The following MTF2 variants were observed in gnomAD, a reference collection of about 807,000 sequenced individuals.
The protein encoded by MTF2 is metal response element binding transcription factor 2.
Under a neutral mutation model 79.5 loss-of-function variants are expected in MTF2, and 11 were observed. That is an observed-to-expected ratio of 0.14 (90% CI 0.09 to 0.23). The LOEUF (loss-of-function observed/expected upper bound fraction) is 0.23, where lower values mean the gene tolerates loss of function less well. MTF2 is among the 10% of genes least tolerant of loss of function. The pLI is 1.00. For missense variants in MTF2, 486 were observed against 711.2 expected, an observed-to-expected ratio of 0.68 and a Z score of 3.60; for synonymous variants, 208 against 232.8, an observed-to-expected ratio of 0.89 and a Z score of 0.97.
intron 1 of MTF2, among the ~76,000 whole-genome samples, chr1:93,097,639 C>T (rs1249056997): frequency 1.3e-5 from 2 of 152,084 alleles, no homozygotes; most frequent in Non-Finnish European, 2.9e-5. Context: ...ACTCTGTCGC[C>T]CAGGCAGGAG....
intron 10 of MTF2, 29 bp downstream of exon 10, chr1:93,127,328 T>C: frequency 7.4e-7 from 1 of 1,360,408 alleles, no homozygotes; most frequent in East Asian, 2.3e-5. Flanking sequence ...TGTATCCCTA[T>C]GAGGGAGACA....
At chr1:93,122,303 T>G (rs1656515997) in intron 9 of MTF2, among the ~76,000 whole-genome samples, 1 of 152,202 alleles carries the variant, frequency 6.6e-6, no homozygotes, top group African/African-American at 2.4e-5. Flanking sequence ...CTGCATTACA[T>G]GATGAAATTC....
chr1:93,120,864 T>C (rs1656445829), intron 9 of MTF2, 192 bp downstream of exon 9: 1 of 1,284,218 alleles, frequency 7.8e-7, no homozygotes, highest in South Asian at 2.0e-5. Context: ...GTTTGTTGCC[T>C]GTTGACTCTG....
intron 3 of MTF2, among the ~76,000 whole-genome samples, chr1:93,114,018 A>G (rs929974584): frequency 4.7e-5 from 7 of 149,012 alleles, no homozygotes; most frequent in Admixed American, 4.7e-4. Context: ...TTTTTTTTTG[A>G]GAATAAAAAT....
intron 1 of MTF2, among the ~76,000 whole-genome samples, chr1:93,088,370 A>T (rs778264869): frequency 6.6e-6 from 1 of 152,086 alleles, no homozygotes; most frequent in Non-Finnish European, 1.5e-5. Flanking sequence ...TATTCATTGT[A>T]TATGTGAGAT....
At chr1:93,132,229 A>C (rs754505270) in intron 11 of MTF2, among the ~76,000 whole-genome samples, 9 of 152,220 alleles carry the variant, frequency 5.9e-5, no homozygotes, top group South Asian at 2.1e-4. Flanking sequence ...AGTTATATGA[A>C]GTTTGTAAGA....
intron 11 of MTF2, among the ~76,000 whole-genome samples, chr1:93,131,067 T>C (rs1656898221): frequency 6.6e-6 from 1 of 152,124 alleles, no homozygotes; most frequent in African/African-American, 2.4e-5. Flanking sequence ...ATTTGGAATC[T>C]GATTGATAAA....
chr1:93,120,541 G>A lies in MTF2; in HGVS notation c.798-8G>A, dbSNP rs1298546023. Reference sequence around the variant, plus strand: ...TGTTTTGTGTATTTGATTATTTTCGGATTCCAGGGTAGATATAGCACACCT... The same window carrying A: ...TGTTTTGTGTATTTGATTATTTTCGAATTCCAGGGTAGATATAGCACACCT... On this transcript the variant is annotated splice_polypyrimidine_tract_variant and splice_region_variant and intron_variant, in intron 8 of 14. Coordinates refer to ENST00000370298, the MANE Select transcript of MTF2 (RefSeq NM_007358.4). 6.4e-7 allele frequency: 1 copy of A among 1,557,940 alleles called. No individual in the cohort carries two copies. The highest frequency in any genetic ancestry group is 1.4e-5 in the African/African-American group (1 of 71,528).
At position 93,110,568 on chromosome 1, in the gene MTF2, C is replaced by T. The variant is rs747153016; in HGVS notation, c.228C>T (p.Cys76=). The T allele has an allele frequency of 2.0e-5, 33 of 1,613,336 alleles. No homozygotes were observed. The Admixed American group carries it at 2.8e-4, about 14-fold the overall frequency. ...AGATAAACATATTGAAACAGAGCTGCTTCATCATATTTGAAGACAGTTCTA... is the reference window on the plus strand; with the variant it reads ...AGATAAACATATTGAAACAGAGCTGTTTCATCATATTTGAAGACAGTTCTA... The part of the protein sequence containing the change: ...IKKINILKQS[C]FIIFEDSSKS... The change falls in exon 3 of 15, where the codon TGC becomes TGT. Residue 76 remains cysteine, a synonymous_variant. Transcript: ENST00000370298.
chr1:93,123,245 G>A (rs1262608980), intron 9 of MTF2, among the ~76,000 whole-genome samples: 5 of 143,436 alleles, frequency 3.5e-5, no homozygotes, highest in Admixed American at 7.0e-5. Flanking sequence ...AGACAGGACA[G>A]GAGAGTCTCT....
rs1212116169 is a variant in MTF2 at position 93,137,396 on chromosome 1, A to G, written c.*369A>G. The stretch of plus-strand genomic sequence containing the variant: ...GAGCAAACATCATGTAGATAGCACA[A>G]GTATTTGGAGAAACGTTGTTTGTTT... On this transcript the variant is annotated 3_prime_UTR_variant, in exon 15 of 15. Coordinates refer to ENST00000370298, the MANE Select transcript of MTF2 (RefSeq NM_007358.4). 6.1e-6 allele frequency: 1 copy of G among 165,058 alleles called. No homozygotes were observed. Among genetic ancestry groups the G allele is most frequent in the Non-Finnish European group, 1.3e-5 (1 of 75,776 alleles). 10.2% of individuals were successfully genotyped at this position (165,058 alleles called of 1,614,324 possible).
At position 93,110,617 on chromosome 1, in the gene MTF2, A is replaced by G; in HGVS notation, c.277A>G (p.Ile93Val). The G allele has an allele frequency of 1.2e-6, 2 of 1,610,756 alleles. No homozygotes were observed. The highest frequency in any genetic ancestry group is 1.7e-5 in the Admixed American group (1 of 59,918). The change falls in exon 3 of 15, where the codon ATT becomes GTT. Residue 93 changes from isoleucine (I) to valine (V), a missense_variant. By Grantham distance (29) the Ile-to-Val change is conservative (BLOSUM62 3). This residue lies in a region of MTF2 where 177 missense variants were observed against 364.0 expected (regional missense o/e 0.49). Coordinates refer to ENST00000370298, the MANE Select transcript of MTF2 (RefSeq NM_007358.4). ...TAAATCCTGGGTTCTCTGGAAGGAC[A>G]TTCAAACAGGCAGGTGCTACTATTT... ...SSKSWVLWKD[I>V]QTGATGSGEM...
intron 9 of MTF2, chr1:93,121,938 A>C (rs1274843719): frequency 5.2e-6 from 1 of 191,330 alleles, no homozygotes; most frequent in Non-Finnish European, 9.6e-6. Flanking sequence ...AGTAGCTGGG[A>C]TTACAGGCAC....
At chr1:93,121,742 A>AC in intron 9 of MTF2, 1 of 928,484 alleles carries the variant, frequency 1.1e-6, no homozygotes, top group Non-Finnish European at 1.3e-6. Flanking sequence ...TCTGTTAAAT[A>AC]CTTTTTTTTT....
intron 6 of MTF2, 31 bp from the exon 7 acceptor site, chr1:93,118,314 T>C: frequency 6.9e-7 from 1 of 1,457,538 alleles, no homozygotes; most frequent in East Asian, 2.3e-5. Context: ...GACAGGAATT[T>C]TAGTGTTAAC....
At chr1:93,131,906 G>T (rs1433821544) in intron 11 of MTF2, among the ~76,000 whole-genome samples, 1 of 152,182 alleles carries the variant, frequency 6.6e-6, no homozygotes, top group Non-Finnish European at 1.5e-5. Context: ...GTTGTAGATT[G>T]GGCAGTTGGA....
At chr1:93,128,199 C>T (rs1272409805) in intron 10 of MTF2, among the ~76,000 whole-genome samples, 1 of 152,036 alleles carries the variant, frequency 6.6e-6, no homozygotes, top group Non-Finnish European at 1.5e-5. Context: ...GTTTAGGGTA[C>T]CAGAAATATA....
In MTF2 at chr1:93,138,429, T is replaced by G. The variant is rs986360861; in HGVS notation, c.*1402T>G. On this transcript the variant is annotated 3_prime_UTR_variant, in exon 15 of 15. Transcript: ENST00000370298. ...TAAAAAATATGTAAAGTGTAGTGAT[T>G]ACAGAGTGGTTAAAATGTGGGTTAG... is the stretch of plus-strand genomic sequence containing the variant. The G allele has an allele frequency of 1.3e-5, 2 of 152,206 alleles. No individual in the cohort carries two copies. Among genetic ancestry groups the G allele is most frequent in the African/African-American group, 4.8e-5 (2 of 41,458 alleles). The allele number at this position is 152,206 out of a possible 1,614,324, so 9.4% of individuals were successfully genotyped here.
At chr1:93,110,698 T>C in intron 3 of MTF2, 72 bp downstream of exon 3, 3 of 1,214,936 alleles carry the variant, frequency 2.5e-6, no homozygotes, top group Non-Finnish European at 3.6e-6. Context: ...CATATTATGA[T>C]GTTGTCTGTT....
Sources: allele counts gnomAD v4.1 joint callset (sites outside exome capture counted in the v4.1 genomes callset), GRCh38; gene constraint gnomAD v4.1.1; regional missense constraint gnomAD v4.1.1; transcripts MANE v1.5; gene names NCBI Gene and HGNC (gene_info 2026-07-23, HGNC 2026-07-21).